The following NAALADL2 variants were observed in gnomAD, a reference collection of about 807,000 sequenced individuals.
The protein encoded by NAALADL2 is N-acetylated alpha-linked acidic dipeptidase like 2, also known as inactive N-acetylated-alpha-linked acidic dipeptidase-like protein 2.
In NAALADL2, 76 loss-of-function variants were observed where a neutral mutation model predicts 87.2. The observed-to-expected ratio is 0.87, with a 90% CI of 0.72 to 1.05. The LOEUF (loss-of-function observed/expected upper bound fraction) is 1.05. Ranked by LOEUF, NAALADL2 falls within the 50% of genes least tolerant of loss-of-function variation. NAALADL2 has a pLI of 0.00. For missense variants in NAALADL2, 1,089 were observed against 945.8 expected, an observed-to-expected ratio of 1.15 and a Z score of -1.99; for synonymous variants, 354 against 331.0, an observed-to-expected ratio of 1.07 and a Z score of -0.75.
chr3:174,645,646 C>T (rs1382402884), intron 2 of NAALADL2, among the ~76,000 whole-genome samples: 1 of 151,958 alleles, frequency 6.6e-6, no homozygotes, highest in African/African-American at 2.4e-5. Flanking sequence ...TTTTTTTTCA[C>T]ATATATATGA....
At chr3:174,916,176 C>T (rs951801292) in intron 1 of NAALADL2, among the ~76,000 whole-genome samples, 5 of 152,130 alleles carry the variant, frequency 3.3e-5, no homozygotes, top group African/African-American at 7.2e-5. Flanking sequence ...TACCACCTTA[C>T]TCCTGCAAGA....
intron 2 of NAALADL2, among the ~76,000 whole-genome samples, chr3:175,186,860 G>A (rs757939580): frequency 2.6e-5 from 4 of 151,972 alleles, no homozygotes; most frequent in African/African-American, 9.7e-5. Context: ...TGCCTTTCTC[G>A]AGTGCTCAGA....
At chr3:175,125,499 A>G (rs918840780) in intron 2 of NAALADL2, among the ~76,000 whole-genome samples, 2 of 152,028 alleles carry the variant, frequency 1.3e-5, no homozygotes, top group Non-Finnish European at 2.9e-5. Context: ...GGTGGTGCAA[A>G]GATATTGGAT....
intron 5 of NAALADL2, among the ~76,000 whole-genome samples, chr3:175,339,088 G>A (rs982274837): frequency 6.6e-6 from 1 of 152,192 alleles, no homozygotes; most frequent in African/African-American, 2.4e-5. Context: ...ACTGCGGCAG[G>A]CACACTGTGC....
At chr3:174,723,748 T>A (rs1731923127) in intron 2 of NAALADL2, among the ~76,000 whole-genome samples, 1 of 80,118 alleles carries the variant, frequency 1.2e-5, no homozygotes, top group Non-Finnish European at 2.2e-5. Context: ...AGAGCAAGAC[T>A]CCGTCTCAAA....
chr3:175,735,800 G>A (rs574638860), intron 11 of NAALADL2, among the ~76,000 whole-genome samples: 12 of 152,230 alleles, frequency 7.9e-5, no homozygotes, highest in Middle Eastern at 3.4e-3. Flanking sequence ...GAGCCAAACC[G>A]TATCAAATAT....
chr3:174,884,105 C>T (rs115460893), intron 1 of NAALADL2, among the ~76,000 whole-genome samples: 2,715 of 152,140 alleles, frequency 0.018, 77 homozygotes, highest in African/African-American at 0.061. Context: ...CTCCTGGTGG[C>T]GGCATTCCTC....
intron 1 of NAALADL2, among the ~76,000 whole-genome samples, chr3:174,942,331 T>A (rs1244314417): frequency 6.6e-6 from 1 of 152,188 alleles, no homozygotes; most frequent in Non-Finnish European, 1.5e-5. Context: ...GTTGCATATT[T>A]TTTTCTTCAA....
At chr3:175,019,762 G>T (rs1751331556) in intron 1 of NAALADL2, among the ~76,000 whole-genome samples, 1 of 151,984 alleles carries the variant, frequency 6.6e-6, no homozygotes, top group South Asian at 2.1e-4. Context: ...TACTAAGCTT[G>T]CAGTATATTA....
At chr3:175,151,795 A>C (rs79117356) in intron 2 of NAALADL2, among the ~76,000 whole-genome samples, 5,277 of 152,300 alleles carry the variant, frequency 0.035, 286 homozygotes, top group African/African-American at 0.12. Context: ...TATGGATTAA[A>C]TAATAGTAAC....
intron 6 of NAALADL2, among the ~76,000 whole-genome samples, chr3:175,458,426 G>GAT (rs1278306409): frequency 1.3e-5 from 2 of 148,758 alleles, no homozygotes; most frequent in East Asian, 2.0e-4. Flanking sequence ...TGTTCTCATG[G>GAT]ATATATATAG....
intron 2 of NAALADL2, among the ~76,000 whole-genome samples, chr3:174,678,708 T>C (rs1369233512): frequency 6.6e-6 from 1 of 152,198 alleles, no homozygotes; most frequent in Non-Finnish European, 1.5e-5. Flanking sequence ...GGCTATATTA[T>C]ATTAGTAAGT....
rs116211865 is a variant in NAALADL2 at position 175,758,020 on chromosome 3, C to T, written c.2189+2602C>T. Among the ~76,000 whole-genome samples, 799 of 152,048 alleles carry T rather than the reference C, an allele frequency of 5.3e-3. 7 individuals carry two copies. Among genetic ancestry groups the T allele is most frequent in the African/African-American group, 0.018 (749 of 41,500 alleles). On this transcript the variant is annotated intron_variant, in intron 13 of 13. Transcript: ENST00000454872. The stretch of plus-strand genomic sequence containing the variant: ...TCTTTCTTGGCACTTGCACTGGATA[C>T]GGAAGACCCCTCTATGGTCTAAATT...
intron 2 of NAALADL2, among the ~76,000 whole-genome samples, chr3:175,206,142 C>G (rs1231936621): frequency 6.0e-5 from 9 of 151,002 alleles, no homozygotes; most frequent in African/African-American, 2.2e-4. Context: ...AAGATACTTG[C>G]ACATGCATGC....
chr3:175,756,931 T>A (rs1351084541), intron 13 of NAALADL2, among the ~76,000 whole-genome samples: 1 of 151,500 alleles, frequency 6.6e-6, no homozygotes, highest in African/African-American at 2.4e-5. Context: ...TGTATTTATA[T>A]GACATATTTA....
Position 175,575,554 on chromosome 3 carries a change from G to A in NAALADL2, c.1654-487G>A, listed in dbSNP as rs373838836. Among the ~76,000 whole-genome samples, 6 of 151,990 alleles carry A rather than the reference G, an allele frequency of 3.9e-5. No individual in the cohort carries two copies. In the East Asian group the frequency reaches 5.8e-4, roughly 15 times the overall value. On this transcript the variant is annotated intron_variant, in intron 9 of 13. Transcript: ENST00000454872. Reference sequence around the variant, plus strand: ...CCTGCCTCAGCCTCCCAAAGTGCTGGGATTACAGGGGTGAGCCACCACGCC... The same window carrying A: ...CCTGCCTCAGCCTCCCAAAGTGCTGAGATTACAGGGGTGAGCCACCACGCC...
chr3:175,228,134 C>A (rs1364744281), intron 2 of NAALADL2, among the ~76,000 whole-genome samples: 2 of 151,986 alleles, frequency 1.3e-5, no homozygotes, highest in Admixed American at 6.6e-5. Context: ...AAGGTGTGCT[C>A]ATATTCCCTT....
At chr3:174,545,917 T>C (rs1722690500) in intron 1 of NAALADL2, among the ~76,000 whole-genome samples, 1 of 150,958 alleles carries the variant, frequency 6.6e-6, no homozygotes, top group East Asian at 1.9e-4. Flanking sequence ...TTATTAATTA[T>C]ATATTTTATA....
intron 3 of NAALADL2, 80 bp from the exon 4 acceptor site, chr3:175,256,331 A>AATTT: frequency 7.6e-7 from 1 of 1,314,458 alleles, no homozygotes; most frequent in African/African-American, 1.5e-5. Flanking sequence ...ATGATGAATA[A>AATTT]TTTTGTTATA....
Sources: gnomAD v4.1 joint callset for allele counts (sites outside exome capture counted in the v4.1 genomes callset) on GRCh38, gnomAD v4.1.1 for gene constraint, MANE v1.5 for transcripts, NCBI Gene and HGNC (gene_info 2026-07-23, HGNC 2026-07-21) for gene names.